Variants in DPP6 observed in about 807,000 individuals in gnomAD.
The protein encoded by DPP6 is A-type potassium channel modulatory protein DPP6.
Under a neutral mutation model 122.6 loss-of-function variants are expected in DPP6, and 69 were observed. That is an observed-to-expected ratio of 0.56 (90% CI 0.46 to 0.69). DPP6 has a LOEUF of 0.69. Among genes scored for constraint, DPP6 ranks in the 30% least tolerant of loss-of-function variants. The probability of loss-of-function intolerance (pLI) is 0.00; values close to 1 mark genes in which losing one functional copy is unlikely to be tolerated. For missense variants in DPP6, 928 were observed against 1,116.9 expected, an observed-to-expected ratio of 0.83 and a Z score of 2.41; for synonymous variants, 418 against 433.1, an observed-to-expected ratio of 0.97 and a Z score of 0.43.
At chr7:154,548,167 C>T (rs1245924066) in intron 4 of DPP6, among the ~76,000 whole-genome samples, 1 of 152,002 alleles carries the variant, frequency 6.6e-6, no homozygotes, top group African/African-American at 2.4e-5. Flanking sequence ...AGAGAACACG[C>T]CACTGTACTC....
intron 3 of DPP6, among the ~76,000 whole-genome samples, chr7:154,535,379 A>G (rs1828155733): frequency 1.2e-5 from 1 of 86,048 alleles, no homozygotes; most frequent in Non-Finnish European, 2.7e-5. Context: ...GATTTCATTC[A>G]CTTTAGATTT....
At chr7:154,697,190 T>C (rs34440666) in intron 7 of DPP6, among the ~76,000 whole-genome samples, 27,902 of 152,182 alleles carry the variant, frequency 0.18, 3,442 homozygotes, top group African/African-American at 0.35. Context: ...ATGTGCATCA[T>C]TCAAGGTGTC....
At chr7:154,263,360 A>C (rs1803161168) in intron 1 of DPP6, among the ~76,000 whole-genome samples, 2 of 152,226 alleles carry the variant, frequency 1.3e-5, no homozygotes, top group Admixed American at 1.3e-4. Context: ...GCTGATTAGA[A>C]CAGGTTAGCT....
intron 1 of DPP6, among the ~76,000 whole-genome samples, chr7:153,927,643 A>T (rs1049928374): frequency 2.0e-5 from 3 of 152,220 alleles, no homozygotes; most frequent in Admixed American, 6.5e-5. Flanking sequence ...GTGTTCTTAT[A>T]CATTTTTATT....
Position 154,486,384 on chromosome 7 carries a change from G to A in DPP6, c.457+11347G>A, listed in dbSNP as rs962070657. Among the ~76,000 whole-genome samples, 16 of 151,982 alleles carry A rather than the reference G, an allele frequency of 1.1e-4. No individual in the cohort carries two copies. The highest frequency in any genetic ancestry group is 1.6e-4 in the Non-Finnish European group (11 of 68,010). On this transcript the variant is annotated intron_variant, in intron 3 of 25. Transcript: ENST00000377770. This position sits in a 1 kb window ranked among gnomAD's most constrained non-coding sequence, Gnocchi z 4.5. ...ACTGACCTCGTGATCTGCCTACCTC[G>A]ACCACCTAAAGTGCTGGGATTACGG...
chr7:154,087,351 G>A (rs933868056), intron 1 of DPP6, among the ~76,000 whole-genome samples: 1 of 152,150 alleles, frequency 6.6e-6, no homozygotes, highest in African/African-American at 2.4e-5. Context: ...GCACTGAAGA[G>A]TTTAAATTGG....
intron 1 of DPP6, chr7:154,305,335 T>TGGGGGCCC: frequency 2.0e-6 from 2 of 1,024,756 alleles, no homozygotes; most frequent in Non-Finnish European, 2.4e-6. Flanking sequence ...TCGTCTTGTC[T>TGGGGGCCC]ACCCACCCTC....
chr7:154,328,507 G>T (rs1031710487), intron 1 of DPP6, among the ~76,000 whole-genome samples: 2 of 152,176 alleles, frequency 1.3e-5, no homozygotes, highest in African/African-American at 4.8e-5. Context: ...CAATTAATTT[G>T]CCATAGATGT....
At chr7:154,076,672 G>A (rs1457279252) in intron 1 of DPP6, among the ~76,000 whole-genome samples, 7 of 151,538 alleles carry the variant, frequency 4.6e-5, no homozygotes, top group Non-Finnish European at 8.8e-5. Context: ...AGGAGAAAAT[G>A]TGTGAGATTC....
chr7:154,798,735 G>C (rs1327434409), intron 12 of DPP6, among the ~76,000 whole-genome samples: 1 of 152,230 alleles, frequency 6.6e-6, no homozygotes, highest in African/African-American at 2.4e-5. Flanking sequence ...GAAGATTGCA[G>C]CTCCATGGTC....
chr7:154,324,631 T>TGG, intron 1 of DPP6, among the ~76,000 whole-genome samples: 1 of 152,182 alleles, frequency 6.6e-6, no homozygotes. Flanking sequence ...GGGTGTTTCC[T>TGG]GGCCTGACGG....
intron 1 of DPP6, among the ~76,000 whole-genome samples, chr7:154,443,332 G>T (rs1418950178): frequency 6.6e-6 from 1 of 150,406 alleles, no homozygotes; most frequent in African/African-American, 2.5e-5. Flanking sequence ...CCCCATTCCT[G>T]CACTAGATTA....
the DPP6 span, among the ~76,000 whole-genome samples, chr7:153,797,401 A>C: frequency 6.2e-4 from 95 of 152,302 alleles, no homozygotes; most frequent in South Asian, 0.019. Context: ...GTGGAGAAGG[A>C]GGAGGAATAG....
chr7:154,444,381 C>T (rs10229197), intron 1 of DPP6, among the ~76,000 whole-genome samples: 36,159 of 151,620 alleles, frequency 0.24, 5,532 homozygotes, highest in African/African-American at 0.44. Context: ...AGGAGAATGG[C>T]GTGAACCTGG....
chr7:154,391,021 A>G (rs531704003), intron 1 of DPP6, among the ~76,000 whole-genome samples: 15 of 152,276 alleles, frequency 9.9e-5, no homozygotes, highest in African/African-American at 3.4e-4. Flanking sequence ...AATGGGGCGG[A>G]TCAGCCCACC....
intron 5 of DPP6, among the ~76,000 whole-genome samples, chr7:154,622,533 A>G (rs916920243): frequency 8.5e-5 from 13 of 152,178 alleles, no homozygotes; most frequent in Admixed American, 7.9e-4. Context: ...TGCTGATCAG[A>G]AGACTTGATT....
At chr7:153,825,650 C>T in the DPP6 span, among the ~76,000 whole-genome samples, 3 of 152,166 alleles carry the variant, frequency 2.0e-5, no homozygotes, top group African/African-American at 7.2e-5. Flanking sequence ...ACCTCTGCCT[C>T]CTGGGTTCAA....
At chr7:154,063,268 C>A (rs1421809355) in intron 1 of DPP6, among the ~76,000 whole-genome samples, 10 of 134,764 alleles carry the variant, frequency 7.4e-5, no homozygotes, top group African/African-American at 1.4e-4. Context: ...CTCTTAGGAC[C>A]CCCATCGCAG....
chr7:154,042,218 C>T (rs537512968), intron 1 of DPP6, among the ~76,000 whole-genome samples: 5 of 152,290 alleles, frequency 3.3e-5, no homozygotes, highest in African/African-American at 1.2e-4. Context: ...ATCTTTGCCA[C>T]AGCCTCCCAG....
Sources: gnomAD v4.1 joint callset for allele counts (sites outside exome capture counted in the v4.1 genomes callset) on GRCh38, gnomAD v4.1.1 for gene constraint, Gnocchi (gnomAD v3.1) non-coding constraint, MANE v1.5 for transcripts, NCBI Gene and HGNC (gene_info 2026-07-23, HGNC 2026-07-21) for gene names.